The following POLN variants were observed in gnomAD, a reference collection of about 807,000 sequenced individuals.
POLN encodes the protein DNA polymerase nu, also known as DNA polymerase N.
A neutral mutation model predicts 113.5 loss-of-function variants in POLN; 108 were observed. That is an observed-to-expected ratio of 0.95 (90% confidence interval 0.81 to 1.12). POLN has a LOEUF of 1.12. POLN is among the 50% of genes most tolerant of loss of function. The pLI is 0.00. For synonymous variants in POLN, 386 were observed against 391.5 expected (o/e 0.99, Z 0.17); for missense variants, 1,097 against 1,077.1 (o/e 1.02, Z -0.26).
At chr4:2,210,368 C>G (rs975802239) in intron 4 of POLN, among the ~76,000 whole-genome samples, 14 of 151,546 alleles carry the variant, frequency 9.2e-5, no homozygotes, top group Admixed American at 7.2e-4. Context: ...TGCTTGAGCC[C>G]AGGAGTTCAA....
chr4:2,236,542 G>A (rs1366378677), intron 2 of POLN: 2 of 879,866 alleles, frequency 2.3e-6, no homozygotes, highest in South Asian at 1.5e-5. Context: ...TGGGGCATTT[G>A]TGGGGATAGC....
At chr4:2,240,464 C>T (rs1396293662) in intron 2 of POLN, 1 of 1,613,762 alleles carries the variant, frequency 6.2e-7, no homozygotes, top group Non-Finnish European at 8.5e-7. Context: ...CATTACTGAT[C>T]TTAGTGATCA....
At chr4:2,177,599 C>T (rs1340895684) in intron 8 of POLN, among the ~76,000 whole-genome samples, 1 of 152,194 alleles carries the variant, frequency 6.6e-6, no homozygotes, top group Non-Finnish European at 1.5e-5. Context: ...ATGAGTTGAA[C>T]CCTGGCCTCA....
intron 16 of POLN, among the ~76,000 whole-genome samples, chr4:2,149,823 C>T (rs544869368): frequency 2.8e-4 from 42 of 151,636 alleles, no homozygotes; most frequent in African/African-American, 8.2e-4. Flanking sequence ...TTGACTCACA[C>T]CTGTAATCCT....
rs1221801792 is a variant in POLN, at chr4:2,085,729, G to GC, written c.2080dup (p.Ala694GlyfsTer59). The GC allele has an allele frequency of 6.2e-7, 1 of 1,613,650 alleles. No individual in the cohort carries two copies. The highest frequency in any genetic ancestry group is 8.5e-7 in the Non-Finnish European group (1 of 1,180,040). ...CTGAATAGGAACTCCAAGGCAAGCA[G>GC]CCAGCCGCTCCTTCCCTGTCAGTCA... On this transcript the variant is annotated frameshift_variant, in exon 21 of 26. Coordinates refer to ENST00000511885, the MANE Select transcript of POLN (RefSeq NM_181808.4). LOFTEE classifies it high-confidence loss of function.
intron 5 of POLN, among the ~76,000 whole-genome samples, chr4:2,199,793 T>C (rs992128580): frequency 6.6e-6 from 1 of 152,014 alleles, no homozygotes; most frequent in South Asian, 2.1e-4. Flanking sequence ...TCCAGGCTGG[T>C]CTCGAACTCC....
chr4:2,075,479 C>T lies in POLN; in HGVS notation c.2428G>A (p.Glu810Lys). 6.2e-7 allele frequency: 1 copy of T among 1,613,538 alleles called. No homozygotes were observed. The highest frequency in any genetic ancestry group is 1.1e-5 in the South Asian group (1 of 91,090). ...QIHDELLFEVEDPQIPECAAL... is the reference protein window; with the variant it reads ...QIHDELLFEVKDPQIPECAAL... ...GCACACTCCGGGATCTGCGGATCTT[C>T]CACTTCAAACAGCAGCTCATCATGG... The change falls in exon 24 of 26, where the codon GAA becomes AAA. Residue 810 changes from glutamate (E) to lysine (K), a missense_variant. Glu to Lys is a moderately conservative substitution (Grantham distance 56). Transcript: ENST00000511885.
At chr4:2,163,776 C>A (rs1047249324) in intron 13 of POLN, among the ~76,000 whole-genome samples, 5 of 152,230 alleles carry the variant, frequency 3.3e-5, no homozygotes, top group Non-Finnish European at 7.3e-5. Context: ...ACCATTATCC[C>A]AGGGCGACTT....
At chr4:2,075,627 G>T in intron 23 of POLN, 108 bp from the exon 24 acceptor site, 1 of 1,147,008 alleles carries the variant, frequency 8.7e-7, no homozygotes, top group Non-Finnish European at 1.3e-6. Context: ...ACTGTGAGGC[G>T]GGGGCTCAGG....
At chr4:2,081,240 G>C (rs1036979631) in intron 22 of POLN, 3 of 1,489,636 alleles carry the variant, frequency 2.0e-6, no homozygotes, top group Non-Finnish European at 2.7e-6. Context: ...AGGGCACCTG[G>C]GTTTTGGGTG....
At chr4:2,216,432 G>A (rs1734114578) in intron 3 of POLN, among the ~76,000 whole-genome samples, 1 of 152,210 alleles carries the variant, frequency 6.6e-6, no homozygotes, top group African/African-American at 2.4e-5. Context: ...TTGCAGTGCA[G>A]ACTGCACCCT....
At chr4:2,194,390 C>T (rs1231393871) in intron 6 of POLN, among the ~76,000 whole-genome samples, 1 of 152,158 alleles carries the variant, frequency 6.6e-6, no homozygotes, top group African/African-American at 2.4e-5. Context: ...TGGACTTGTT[C>T]CACAGAAAGA....
intron 3 of POLN, among the ~76,000 whole-genome samples, chr4:2,222,520 C>CA (rs1429973251): frequency 1.3e-5 from 2 of 151,976 alleles, no homozygotes; most frequent in African/African-American, 2.4e-5. Context: ...CACCAAAAAA[C>CA]AAAAAACAAA....
At chr4:2,179,645 C>G (rs1363455059) in intron 7 of POLN, among the ~76,000 whole-genome samples, 180 bp from the exon 8 acceptor site, 2 of 152,096 alleles carry the variant, frequency 1.3e-5, no homozygotes, top group East Asian at 3.8e-4. Context: ...GATAAGGCAG[C>G]CTCGATGAAC....
chr4:2,218,443 T>TAAA (rs577978110), intron 3 of POLN, among the ~76,000 whole-genome samples: 178 of 146,204 alleles, frequency 1.2e-3, no homozygotes, highest in African/African-American at 4.0e-3. Flanking sequence ...GAAACTGCCT[T>TAAA]AAAAAAAAAA....
At chr4:2,169,633 A>T (rs1159315680) in intron 13 of POLN, among the ~76,000 whole-genome samples, 1 of 152,004 alleles carries the variant, frequency 6.6e-6, no homozygotes, top group Non-Finnish European at 1.5e-5. Context: ...TACTATTATT[A>T]TTTTTCTTTT....
intron 2 of POLN, chr4:2,231,840 AT>A: frequency 1.5e-6 from 1 of 646,326 alleles, no homozygotes; most frequent in South Asian, 1.9e-5. Context: ...TTGACCTCAA[AT>A]TTTAAAAATT....
At chr4:2,133,722 G>T (rs958479090) in intron 16 of POLN, among the ~76,000 whole-genome samples, 1 of 152,050 alleles carries the variant, frequency 6.6e-6, no homozygotes, top group African/African-American at 2.4e-5. Flanking sequence ...ATTTGTTTCA[G>T]GTCAGCATCT....
In POLN at chr4:2,126,812, C is replaced by T. The variant is rs1731592851; in HGVS notation, c.1982+1301G>A. On this transcript the variant is annotated intron_variant, in intron 19 of 25. Coordinates refer to ENST00000511885, the MANE Select transcript of POLN (RefSeq NM_181808.4). The surrounding 1 kb of genome is among the most constrained non-coding windows in gnomAD (Gnocchi z 4.6). ...CAGAGTGAGGCGGGTAACTGGTGAGCTCAGGCCTAGCCAGGGCAGCTGAAG... is the reference window on the plus strand; with the variant it reads ...CAGAGTGAGGCGGGTAACTGGTGAGTTCAGGCCTAGCCAGGGCAGCTGAAG... Among the ~76,000 whole-genome samples, 1 of 152,122 alleles carries T rather than the reference C, an allele frequency of 6.6e-6. No individual in the cohort carries two copies. Among genetic ancestry groups the T allele is most frequent in the Non-Finnish European group, 1.5e-5 (1 of 68,002 alleles).
Sources: allele counts gnomAD v4.1 joint callset (sites outside exome capture counted in the v4.1 genomes callset), GRCh38; gene constraint gnomAD v4.1.1; non-coding constraint Gnocchi (gnomAD v3.1); transcripts MANE v1.5; gene names NCBI Gene and HGNC (gene_info 2026-07-23, HGNC 2026-07-21).